PHF24: variants seen among roughly 807,000 people sequenced by gnomAD.
PHF24 encodes PHD finger protein 24, also known as Galpha inhibitory interacting protein.
A neutral mutation model predicts 42.6 loss-of-function variants in PHF24; 25 were observed. That is an observed-to-expected ratio of 0.59 (90% confidence interval 0.43 to 0.82). The LOEUF (loss-of-function observed/expected upper bound fraction) is 0.82. Among genes scored for constraint, PHF24 ranks in the 40% least tolerant of loss-of-function variants. The probability of loss-of-function intolerance (pLI) is 0.00; values close to 1 mark genes in which losing one functional copy is unlikely to be tolerated. For synonymous variants in PHF24, 185 were observed against 204.8 expected (o/e 0.90, Z 0.83); for missense variants, 470 against 538.1 (o/e 0.87, Z 1.25).
At chr9:34,789,789 A>G in the PHF24 span, among the ~76,000 whole-genome samples, 7 of 152,380 alleles carry the variant, frequency 4.6e-5, no homozygotes, top group South Asian at 6.2e-4. Context: ...TATGCGTGCC[A>G]TAGTCAACTA....
chr9:34,776,242 C>T, the PHF24 span, among the ~76,000 whole-genome samples: 1 of 152,118 alleles, frequency 6.6e-6, no homozygotes, highest in Non-Finnish European at 1.5e-5. Context: ...TTAAAACTTA[C>T]TTTTAGGATG....
the PHF24 span, among the ~76,000 whole-genome samples, chr9:34,861,522 C>CA: frequency 6.6e-6 from 1 of 152,096 alleles, no homozygotes; most frequent in East Asian, 1.9e-4. Flanking sequence ...TAGAAGTACT[C>CA]AAAGAATCAT....
At chr9:34,857,602 T>C in the PHF24 span, among the ~76,000 whole-genome samples, 1 of 152,206 alleles carries the variant, frequency 6.6e-6, no homozygotes. Flanking sequence ...CTGTTTTTCC[T>C]CACTATCTGT....
chr9:34,936,511 C>T, the PHF24 span, among the ~76,000 whole-genome samples: 64 of 151,910 alleles, frequency 4.2e-4, no homozygotes, highest in African/African-American at 1.2e-3. Context: ...AAGTGAGGAG[C>T]GTCTCTGCCT....
the PHF24 span, among the ~76,000 whole-genome samples, chr9:34,768,954 A>C: frequency 6.6e-6 from 1 of 152,160 alleles, no homozygotes; most frequent in South Asian, 2.1e-4. Context: ...GAATATAAAA[A>C]TTAATATGCA....
At chr9:34,977,050 T>C (rs761557768) in intron 5 of PHF24, 33 bp from the exon 6 acceptor site, 1 of 1,550,280 alleles carries the variant, frequency 6.5e-7, no homozygotes, top group Non-Finnish European at 8.7e-7. Context: ...ACAAGATATC[T>C]TCACCTCTAA....
At chr9:34,738,555 C>A in the PHF24 span, among the ~76,000 whole-genome samples, 1 of 151,948 alleles carries the variant, frequency 6.6e-6, no homozygotes, top group Non-Finnish European at 1.5e-5. Flanking sequence ...ACTGTGTTAG[C>A]CAGGATGGTC....
chr9:34,847,134 A>G, the PHF24 span, among the ~76,000 whole-genome samples: 1 of 152,328 alleles, frequency 6.6e-6, no homozygotes, highest in Non-Finnish European at 1.5e-5. Context: ...CAGTTCTGTG[A>G]AGAAAGTCAT....
At chr9:34,977,571 G>C (rs1827242987) in exon 7 of PHF24, 1 of 1,609,734 alleles carries the variant, frequency 6.2e-7, no homozygotes, top group East Asian at 2.2e-5. Context: ...TCCCATCGCA[G>C]ATAGCAGCCC....
chr9:34,856,884 C>G, the PHF24 span, among the ~76,000 whole-genome samples: 1 of 152,222 alleles, frequency 6.6e-6, no homozygotes, highest in Non-Finnish European at 1.5e-5. Flanking sequence ...ACCACAAAGA[C>G]AGTGGCTGCC....
chr9:34,723,311 G>A, the PHF24 span: 2 of 1,551,608 alleles, frequency 1.3e-6, no homozygotes, highest in Admixed American at 2.0e-5. Context: ...GCCCAGGGCT[G>A]AGGCAGAGCC....
chr9:34,927,241 G>T, the PHF24 span, among the ~76,000 whole-genome samples: 1 of 152,162 alleles, frequency 6.6e-6, no homozygotes, highest in East Asian at 1.9e-4. Context: ...AGTCACAGCT[G>T]ATCCTAGGCC....
the PHF24 span, among the ~76,000 whole-genome samples, chr9:34,906,816 A>G: frequency 6.6e-6 from 1 of 152,130 alleles, no homozygotes; most frequent in African/African-American, 2.4e-5. Flanking sequence ...AATCCCCTCC[A>G]TAGGGATTCA....
the PHF24 span, among the ~76,000 whole-genome samples, chr9:34,940,660 G>C: frequency 2.0e-5 from 3 of 152,202 alleles, no homozygotes; most frequent in African/African-American, 7.2e-5. Context: ...CTGCCACCAA[G>C]GTGTGACCCA....
At chr9:34,842,255 T>C in the PHF24 span, among the ~76,000 whole-genome samples, 2 of 152,222 alleles carry the variant, frequency 1.3e-5, no homozygotes, top group African/African-American at 4.8e-5. Context: ...ATTTGAGTTA[T>C]TACCAGTTTG....
At chr9:34,847,297 C>G in the PHF24 span, among the ~76,000 whole-genome samples, 1 of 152,002 alleles carries the variant, frequency 6.6e-6, no homozygotes, top group South Asian at 2.1e-4. Context: ...TTGTAGTTCT[C>G]CTTGAAGAGG....
At chr9:34,838,511 C>T in the PHF24 span, 1 of 1,334,104 alleles carries the variant, frequency 7.5e-7, no homozygotes, top group Non-Finnish European at 1.0e-6. Context: ...ACCTCATTAG[C>T]ATGAGATCAG....
At chr9:34,745,659 T>G in the PHF24 span, among the ~76,000 whole-genome samples, 1 of 150,218 alleles carries the variant, frequency 6.7e-6, no homozygotes, top group African/African-American at 2.4e-5. Flanking sequence ...GTGGGTATAT[T>G]TTTCCATTTC....
At chr9:34,857,613 G>A in the PHF24 span, among the ~76,000 whole-genome samples, 4 of 152,194 alleles carry the variant, frequency 2.6e-5, no homozygotes, top group African/African-American at 9.7e-5. Context: ...CACTATCTGT[G>A]GGGTTGAGCC....
Sources: allele counts gnomAD v4.1 joint callset (sites outside exome capture counted in the v4.1 genomes callset), GRCh38; gene constraint gnomAD v4.1.1; transcripts MANE v1.5; gene names NCBI Gene and HGNC (gene_info 2026-07-23, HGNC 2026-07-21).